LDAH: variants seen among roughly 807,000 people sequenced by gnomAD.
LDAH encodes the protein lipid droplet associated hydrolase.
LDAH carries 26 observed loss-of-function variants against 29.6 expected under a neutral mutation model. The ratio of observed to expected loss-of-function variants is 0.88; its 90% CI spans 0.64 to 1.22. LDAH has a LOEUF of 1.22. Among genes scored for constraint, LDAH ranks in the 50% most tolerant of loss-of-function variants. The pLI is 0.00. For missense variants in LDAH, 344 were observed against 387.3 expected, an observed-to-expected ratio of 0.89 and a Z score of 0.94; for synonymous variants, 117 against 133.0, an observed-to-expected ratio of 0.88 and a Z score of 0.83.
At chr2:20,755,620 A>G (rs1301817369) in intron 4 of LDAH, among the ~76,000 whole-genome samples, 1 of 152,172 alleles carries the variant, frequency 6.6e-6, no homozygotes, top group Non-Finnish European at 1.5e-5. Context: ...CACTTGCCTC[A>G]TCCAATACCC....
At chr2:20,719,780 G>A (rs1273427019) in intron 5 of LDAH, among the ~76,000 whole-genome samples, 1 of 151,974 alleles carries the variant, frequency 6.6e-6, no homozygotes, top group Admixed American at 6.6e-5. Context: ...ATGATCATGT[G>A]GAATTCAGCC....
At chr2:20,729,847 G>A (rs978023317) in intron 5 of LDAH, among the ~76,000 whole-genome samples, 5 of 152,142 alleles carry the variant, frequency 3.3e-5, no homozygotes, top group African/African-American at 1.2e-4. Context: ...CCAGGCCGAA[G>A]TGCAGTGGTG....
At chr2:20,690,400 G>A (rs754991066) in intron 6 of LDAH, among the ~76,000 whole-genome samples, 1 of 152,162 alleles carries the variant, frequency 6.6e-6, no homozygotes, top group Non-Finnish European at 1.5e-5. Context: ...TTTGAAGTGG[G>A]CCCCATTTGG....
At chr2:20,741,600 C>T (rs1352831568) in intron 4 of LDAH, among the ~76,000 whole-genome samples, 1 of 152,030 alleles carries the variant, frequency 6.6e-6, no homozygotes, top group African/African-American at 2.4e-5. Flanking sequence ...GGCTTTGTAC[C>T]CTCTAACATT....
intron 6 of LDAH, among the ~76,000 whole-genome samples, chr2:20,696,998 G>A (rs1220960752): frequency 6.6e-6 from 1 of 151,874 alleles, no homozygotes; most frequent in East Asian, 1.9e-4. Flanking sequence ...ACTTCTTTAG[G>A]CTGCTATTAC....
At chr2:20,768,078 A>G (rs939007647) in intron 4 of LDAH, among the ~76,000 whole-genome samples, 9 of 152,304 alleles carry the variant, frequency 5.9e-5, no homozygotes, top group South Asian at 2.1e-4. Context: ...TTATTGCTCA[A>G]TAAAGCTCCT....
chr2:20,777,342 A>G (rs538467724), intron 3 of LDAH, among the ~76,000 whole-genome samples: 2 of 152,336 alleles, frequency 1.3e-5, no homozygotes, highest in African/African-American at 4.8e-5. Flanking sequence ...AGTGTTTGCC[A>G]AAGTGGTAAG....
chr2:20,684,911 C>A lies in LDAH; in HGVS notation c.*1992G>T. Reference sequence around the variant, plus strand: ...AGAATGAACTTCAGTCTCTTGAAATCTGATTCTTCCACCTATGAAAAAAGC... The same window carrying A: ...AGAATGAACTTCAGTCTCTTGAAATATGATTCTTCCACCTATGAAAAAAGC... On this transcript the variant is annotated 3_prime_UTR_variant, in exon 7 of 7. Transcript: ENST00000237822. The A allele has an allele frequency of 6.5e-7, 1 of 1,549,886 alleles. No homozygotes were observed. The highest frequency in any genetic ancestry group is 8.7e-7 in the Non-Finnish European group (1 of 1,146,728).
At chr2:20,797,734 GA>G (rs1317703610) in intron 2 of LDAH, among the ~76,000 whole-genome samples, 7 of 150,878 alleles carry the variant, frequency 4.6e-5, no homozygotes, top group African/African-American at 1.7e-4. Context: ...TAATGCAAAT[GA>G]AAAAAGGAAC....
chr2:20,731,861 T>C (rs1442987731), intron 5 of LDAH, among the ~76,000 whole-genome samples: 2 of 151,790 alleles, frequency 1.3e-5, no homozygotes, highest in Non-Finnish European at 2.9e-5. Context: ...TTTAGTTTTT[T>C]TTTTTTTAAT....
rs374879985 is a variant in LDAH, at chr2:20,723,105, T to G, written c.703+16866A>C. ...ACATTGGAAACAACCCAAGTATTCA[T>G]CAATCATAGAATAAATAAATACACT... On this transcript the variant is annotated intron_variant, in intron 5 of 6. Coordinates refer to ENST00000237822, the MANE Select transcript of LDAH (RefSeq NM_021925.4). 1.5e-3 allele frequency among the ~76,000 whole-genome samples: 228 copies of G among 152,290 alleles called. 4 individuals are homozygous for G. The South Asian group carries it at 0.044, about 29-fold the overall frequency.
chr2:20,770,059 A>G (rs905909748), intron 4 of LDAH, among the ~76,000 whole-genome samples: 9 of 152,224 alleles, frequency 5.9e-5, no homozygotes, highest in African/African-American at 2.2e-4. Flanking sequence ...ATTTTATTCT[A>G]GCATAACACT....
intron 5 of LDAH, among the ~76,000 whole-genome samples, chr2:20,728,683 G>A (rs1280819033): frequency 6.6e-6 from 1 of 152,114 alleles, no homozygotes; most frequent in Non-Finnish European, 1.5e-5. Context: ...GAGGGAAGAG[G>A]CTGGCTACTA....
chr2:20,688,588 T>C (rs1420482558), intron 6 of LDAH, among the ~76,000 whole-genome samples: 1 of 152,170 alleles, frequency 6.6e-6, no homozygotes, highest in Non-Finnish European at 1.5e-5. Context: ...GCGTTATTGC[T>C]CACTGGATAG....
chr2:20,696,406 T>G (rs550350833), intron 6 of LDAH, among the ~76,000 whole-genome samples: 2 of 152,180 alleles, frequency 1.3e-5, no homozygotes, highest in South Asian at 4.1e-4. Context: ...CCTGGCCCTC[T>G]GGGGGCAGGG....
intron 1 of LDAH, among the ~76,000 whole-genome samples, chr2:20,802,442 T>C (rs1247809353): frequency 1.3e-5 from 2 of 152,216 alleles, no homozygotes; most frequent in East Asian, 1.9e-4. Context: ...TATACTATCA[T>C]GAACCATTTC....
intron 6 of LDAH, among the ~76,000 whole-genome samples, chr2:20,690,811 C>T (rs1045707145): frequency 6.6e-6 from 1 of 152,056 alleles, no homozygotes; most frequent in Admixed American, 6.6e-5. Flanking sequence ...TCGCAATGCA[C>T]CATGATGAAC....
chr2:20,783,826 C>A (rs1372339682), intron 3 of LDAH, among the ~76,000 whole-genome samples: 1 of 152,300 alleles, frequency 6.6e-6, no homozygotes, highest in East Asian at 1.9e-4. Context: ...ATCTGCCCAC[C>A]TCAGCCTCCT....
intron 6 of LDAH, among the ~76,000 whole-genome samples, chr2:20,699,806 A>G (rs2149350172): frequency 6.6e-6 from 1 of 152,352 alleles, no homozygotes; most frequent in African/African-American, 2.4e-5. Context: ...CAGTCCTGAC[A>G]TAATTACCAT....
Sources: allele counts gnomAD v4.1 joint callset (sites outside exome capture counted in the v4.1 genomes callset), GRCh38; gene constraint gnomAD v4.1.1; transcripts MANE v1.5; gene names NCBI Gene and HGNC (gene_info 2026-07-23, HGNC 2026-07-21).